Variants in USH2A observed in about 807,000 individuals in gnomAD.
USH2A encodes the protein Usher syndrome 2A (autosomal recessive, mild).
In USH2A, 443 loss-of-function variants were observed where a neutral mutation model predicts 538.9. The observed-to-expected ratio is 0.82, with a 90% CI of 0.76 to 0.89. The LOEUF (loss-of-function observed/expected upper bound fraction) is 0.89, where lower values mean the gene tolerates loss of function less well. USH2A is among the 40% of genes least tolerant of loss of function. USH2A has a pLI of 0.00. For missense variants in USH2A, 6,633 were observed against 6,324.8 expected (o/e 1.05, Z -1.65); for synonymous variants, 2,413 against 2,273.5 (o/e 1.06, Z -1.75).
At chr1:216,332,419 T>A (rs1452050907) in intron 4 of USH2A, among the ~76,000 whole-genome samples, 2 of 152,150 alleles carry the variant, frequency 1.3e-5, no homozygotes, top group African/African-American at 4.8e-5. Context: ...ATCATGTCCA[T>A]AAACGCTTTG....
chr1:216,152,581 T>G (rs1572004246), intron 21 of USH2A, among the ~76,000 whole-genome samples: 1 of 152,128 alleles, frequency 6.6e-6, no homozygotes, highest in Non-Finnish European at 1.5e-5. Context: ...CTTATCTCCC[T>G]TCACTGACTC....
chr1:216,309,308 G>T (rs200047967), intron 9 of USH2A, among the ~76,000 whole-genome samples: 1 of 151,974 alleles, frequency 6.6e-6, no homozygotes, highest in African/African-American at 2.4e-5. Context: ...AAATATTATA[G>T]ATCTTGCTTA....
intron 61 of USH2A, among the ~76,000 whole-genome samples, chr1:215,696,277 A>C (rs1458368237): frequency 6.6e-6 from 1 of 152,186 alleles, no homozygotes. Context: ...GAATAGGTCA[A>C]GGAGGAGAAG....
intron 55 of USH2A, among the ~76,000 whole-genome samples, chr1:215,777,123 T>A (rs544738859): frequency 3.0e-4 from 46 of 152,294 alleles, no homozygotes; most frequent in African/African-American, 1.1e-3. Context: ...ATTATGATTT[T>A]TTACTGTTAA....
chr1:216,052,363 G>GAAAAAAAAAAAAAAAGA (rs2030816974), intron 30 of USH2A, among the ~76,000 whole-genome samples: 1 of 127,730 alleles, frequency 7.8e-6, no homozygotes, highest in African/African-American at 3.1e-5. Context: ...GAAAACAAAG[G>GAAAAAAAAAAAAAAAGA]AAAAAAAAAA....
intron 56 of USH2A, among the ~76,000 whole-genome samples, chr1:215,760,261 T>G (rs1243663725): frequency 6.6e-6 from 1 of 152,184 alleles, no homozygotes; most frequent in Non-Finnish European, 1.5e-5. Context: ...AGTGTGATGC[T>G]TCTCTTTTCC....
At chr1:215,736,241 C>G (rs1237901544) in intron 60 of USH2A, among the ~76,000 whole-genome samples, 1 of 152,110 alleles carries the variant, frequency 6.6e-6, no homozygotes, top group Non-Finnish European at 1.5e-5. Context: ...CTACTAATAG[C>G]AATGACTCCA....
At chr1:215,629,773 C>CTTTTTTTTTTTT (rs34349385) in intron 70 of USH2A, among the ~76,000 whole-genome samples, 8 of 125,054 alleles carry the variant, frequency 6.4e-5, no homozygotes, top group African/African-American at 2.6e-4. Context: ...CTTTTCTTTT[C>CTTTTTTTTTTTT]TTTTTTTTTT....
chr1:215,993,577 A>T (rs1668060223), intron 34 of USH2A, among the ~76,000 whole-genome samples: 1 of 151,904 alleles, frequency 6.6e-6, no homozygotes, highest in African/African-American at 2.4e-5. Flanking sequence ...GTACTAGAGG[A>T]TGAAGACTAC....
intron 22 of USH2A, among the ~76,000 whole-genome samples, chr1:216,089,416 T>C (rs1231857861): frequency 2.0e-5 from 3 of 152,094 alleles, no homozygotes; most frequent in Non-Finnish European, 4.4e-5. Flanking sequence ...CATTTTCTGA[T>C]GAATATAGCT....
chr1:216,389,541 A>G (rs947893142), intron 3 of USH2A, among the ~76,000 whole-genome samples: 2 of 152,132 alleles, frequency 1.3e-5, no homozygotes, highest in African/African-American at 4.8e-5. Context: ...TGAACTTTAT[A>G]TTTAAGTAGA....
chr1:216,018,008 T>C (rs1224769352), intron 32 of USH2A, among the ~76,000 whole-genome samples: 2 of 152,138 alleles, frequency 1.3e-5, no homozygotes, highest in Non-Finnish European at 2.9e-5. Flanking sequence ...ACAAATCAAA[T>C]GCCACACCCT....
intron 61 of USH2A, among the ~76,000 whole-genome samples, chr1:215,681,606 C>T (rs2102673107): frequency 6.6e-6 from 1 of 152,186 alleles, no homozygotes; most frequent in East Asian, 1.9e-4. Flanking sequence ...TGGGGGCATC[C>T]AAATATCATT....
chr1:215,860,050 G>A (rs960904908), intron 44 of USH2A, among the ~76,000 whole-genome samples: 1 of 152,140 alleles, frequency 6.6e-6, no homozygotes, highest in Non-Finnish European at 1.5e-5. Flanking sequence ...AGAAAGCCGG[G>A]CATCCCTTGG....
intron 14 of USH2A, among the ~76,000 whole-genome samples, chr1:216,230,768 A>G (rs1300520648): frequency 6.6e-6 from 1 of 152,048 alleles, no homozygotes; most frequent in African/African-American, 2.4e-5. Flanking sequence ...GATTTGACTC[A>G]TTTTATTACA....
At chr1:216,157,267 CAAT>C (rs1459590507) in intron 21 of USH2A, among the ~76,000 whole-genome samples, 6 of 152,092 alleles carry the variant, frequency 3.9e-5, no homozygotes, top group South Asian at 4.1e-4. Flanking sequence ...ATCAAAACAA[CAAT>C]GAGATACCAT....
Position 215,728,514 on chromosome 1 carries a change from TAGTAAAGAAAAACCAGATGG to T in USH2A, c.11712-150_11712-131del, listed in dbSNP as rs1659899023. 5.4e-6 allele frequency: 5 copies of T among 919,160 alleles called. No individual in the cohort carries two copies. The Admixed American group carries it at 1.1e-4, about 20-fold the overall frequency. The allele number at this position is 919,160 out of a possible 1,614,324, so 56.9% of individuals were successfully genotyped here. A position where few individuals can be genotyped will look rare whatever the true frequency, so the allele number is the denominator to read the frequency against. The stretch of plus-strand genomic sequence containing the variant: ...TTTCAGCTGTTTCTTCCTGGTGTCA[TAGTAAAGAAAAACCAGATGG>T]AGAAGTACTCCAGTGGCCTAACTCC... On this transcript the variant is annotated intron_variant, in intron 60 of 71. Transcript: ENST00000307340.
chr1:215,630,375 T>C lies in USH2A; in HGVS notation c.15298-1340A>G, dbSNP rs551694470. ...ATTTAATACTGCTCTGATGTACATA[T>C]ATATCCTAGGATACATACCTGCATA... is the stretch of plus-strand genomic sequence containing the variant. On this transcript the variant is annotated intron_variant, in intron 70 of 71. Transcript: ENST00000307340. The C allele has an allele frequency of 2.4e-5, 10 of 422,776 alleles. No homozygotes were observed. In the East Asian group the frequency reaches 5.6e-4, roughly 24 times the overall value. 26.2% of individuals were successfully genotyped at this position (422,776 alleles called of 1,614,324 possible).
chr1:216,154,770 A>G (rs992857634), intron 21 of USH2A, among the ~76,000 whole-genome samples: 1 of 152,108 alleles, frequency 6.6e-6, no homozygotes, highest in Admixed American at 6.5e-5. Context: ...TTTCCTTTGT[A>G]TTGCTTACTA....
Sources: allele counts gnomAD v4.1 joint callset (sites outside exome capture counted in the v4.1 genomes callset), GRCh38; gene constraint gnomAD v4.1.1; transcripts MANE v1.5; gene names NCBI Gene and HGNC (gene_info 2026-07-23, HGNC 2026-07-21).